ZNF516: variants seen among roughly 807,000 people sequenced by gnomAD.
The protein encoded by ZNF516 is zinc finger protein 516.
In ZNF516, 19 loss-of-function variants were observed where a neutral mutation model predicts 79.7. That is an observed-to-expected ratio of 0.24 (90% CI 0.17 to 0.35). The LOEUF is 0.35. Ranked by LOEUF, ZNF516 falls within the 10% of genes least tolerant of loss-of-function variation. The probability of loss-of-function intolerance (pLI) is 1.00; values close to 1 mark genes in which losing one functional copy is unlikely to be tolerated. For synonymous variants in ZNF516, 877 were observed against 739.5 expected (o/e 1.19, Z -3.02); for missense variants, 1,678 against 1,679.5 (o/e 1.00, Z 0.02).
intron 3 of ZNF516, among the ~76,000 whole-genome samples, chr18:76,404,906 G>A (rs1298213565): frequency 2.0e-5 from 3 of 152,168 alleles, no homozygotes. Flanking sequence ...GAGCGTGTGT[G>A]TGTGGGGCCG....
chr18:76,480,201 T>C (rs149258049), intron 1 of ZNF516, among the ~76,000 whole-genome samples: 7,401 of 149,596 alleles, frequency 0.049, 256 homozygotes, highest in Middle Eastern at 0.096. Flanking sequence ...AAAAACTTAG[T>C]AGTAATTCTT....
Position 76,392,599 on chromosome 18 carries a change from G to C in ZNF516, c.1811-12296C>G, listed in dbSNP as rs570434557. On this transcript the variant is annotated intron_variant, in intron 3 of 6. Transcript: ENST00000443185. ...ATGGGAAGGCAGGTGGCCGGGTGGGGGAAGGGCAGGTGGGAAGACAAGTGG... is the reference window on the plus strand; with the variant it reads ...ATGGGAAGGCAGGTGGCCGGGTGGGCGAAGGGCAGGTGGGAAGACAAGTGG... Among the ~76,000 whole-genome samples the C allele has an allele frequency of 1.9e-4, 27 of 143,162 alleles. 1 individual carries two copies. In the South Asian group the frequency reaches 6.3e-3, roughly 33 times the overall value. The allele number at this position is 143,162 out of a possible 152,430, so 93.9% of individuals were successfully genotyped here.
intron 3 of ZNF516, among the ~76,000 whole-genome samples, chr18:76,398,926 A>T (rs1169629046): frequency 6.6e-6 from 1 of 152,196 alleles, no homozygotes; most frequent in Non-Finnish European, 1.5e-5. Context: ...AAAAAAAATC[A>T]GGATCACTTA....
chr18:76,408,948 G>A (rs944940915), intron 3 of ZNF516, among the ~76,000 whole-genome samples: 3 of 152,250 alleles, frequency 2.0e-5, no homozygotes, highest in South Asian at 2.1e-4. Flanking sequence ...CCCCCACTCA[G>A]AAGCCAAGCC....
chr18:76,404,322 A>T (rs1299452774), intron 3 of ZNF516, among the ~76,000 whole-genome samples: 1 of 141,428 alleles, frequency 7.1e-6, no homozygotes, highest in Non-Finnish European at 1.6e-5. Context: ...CACTTCGTGC[A>T]TGTGGACCGT....
chr18:76,455,723 G>A (rs543386219), intron 2 of ZNF516, among the ~76,000 whole-genome samples: 14 of 152,320 alleles, frequency 9.2e-5, no homozygotes, highest in Admixed American at 2.6e-4. Context: ...CAACAGGCAC[G>A]TGAGATGCGC....
rs144669997 is a variant in ZNF516 at position 76,376,430 on chromosome 18, T to C, written c.3259+2425A>G. ...CCTAAATTTGCTGACTCACACTATG[T>C]CTCAATGTGTACATTAGAAGAATAA... On this transcript the variant is annotated intron_variant, in intron 4 of 6. Transcript: ENST00000443185. 3.5e-3 allele frequency among the ~76,000 whole-genome samples: 534 copies of C among 152,198 alleles called. 6 individuals carry two copies. The highest frequency in any genetic ancestry group is 0.011 in the African/African-American group (470 of 41,506).
Position 76,380,291 on chromosome 18 carries a change from C to A in ZNF516, c.1823G>T (p.Arg608Leu), listed in dbSNP as rs373968169. The change falls in exon 4 of 7, where the codon CGC becomes CTC. Residue 608 changes from arginine (R) to leucine (L), a missense_variant. Transcript: ENST00000443185. Reference protein sequence around the residue: ...APEPAPGGQPRRCCFSEEVTS... With the variant: ...APEPAPGGQPLRCCFSEEVTS... ...CACCTCTTCGGAAAAGCAGCAGCGG[C>A]GCGGCTGTCCCCCTAGAGGAGGCAA... 6 of 1,613,230 alleles carry A rather than the reference C, an allele frequency of 3.7e-6. No individual in the cohort carries two copies. Among genetic ancestry groups the A allele is most frequent in the Non-Finnish European group, 5.1e-6 (6 of 1,179,572 alleles).
intron 1 of ZNF516, among the ~76,000 whole-genome samples, chr18:76,464,195 A>T (rs560701945): frequency 1.8e-4 from 28 of 152,238 alleles, no homozygotes; most frequent in African/African-American, 5.5e-4. Flanking sequence ...TACTTTAAAA[A>T]TTTTTAATGT....
Position 76,360,818 on chromosome 18 carries a change from TAATATA to T in ZNF516, c.*1674_*1679del, listed in dbSNP as rs1245452717. 3.1e-4 allele frequency: 45 copies of T among 143,048 alleles called. 1 individual carries two copies. Among genetic ancestry groups the T allele is most frequent in the African/African-American group, 1.2e-3 (45 of 36,648 alleles). 8.9% of individuals were successfully genotyped at this position (143,048 alleles called of 1,614,324 possible). Reference sequence around the variant, plus strand: ...ACAATAATAATAATAATAATAATAATAATATAATAATATTCAACAAATCATTAGAAC... The same window carrying T: ...ACAATAATAATAATAATAATAATAATATAATATTCAACAAATCATTAGAAC... On this transcript the variant is annotated 3_prime_UTR_variant, in exon 7 of 7. Coordinates refer to ENST00000443185, the MANE Select transcript of ZNF516 (RefSeq NM_014643.4).
At chr18:76,421,652 G>C (rs549367458) in intron 3 of ZNF516, among the ~76,000 whole-genome samples, 199 of 152,222 alleles carry the variant, frequency 1.3e-3, no homozygotes, top group Non-Finnish European at 2.4e-3. Context: ...GCCACAGGGA[G>C]CAGGTCCTAT....
chr18:76,420,414 G>T (rs1204573530), intron 3 of ZNF516, among the ~76,000 whole-genome samples: 2 of 152,128 alleles, frequency 1.3e-5, no homozygotes, highest in African/African-American at 2.4e-5. Flanking sequence ...ACCATACACT[G>T]AATTCCAGGG....
Position 76,378,938 on chromosome 18 carries a change from T to C in ZNF516, c.3176A>G (p.Asn1059Ser), listed in dbSNP as rs756820185. 3.1e-6 allele frequency: 5 copies of C among 1,613,852 alleles called. No individual in the cohort carries two copies. The South Asian group carries it at 3.3e-5, about 11-fold the overall frequency. ...EGHEKRLDIL[N>S]IFKTYIPKDF... ...CTTTGGAATGTACGTCTTAAAGATG[T>C]TGAGGATGTCCAGGCGCTTCTCATG... The change falls in exon 4 of 7, where the codon AAC becomes AGC. Residue 1059 changes from asparagine (N) to serine (S), a missense_variant. Physicochemically the swap from Asn to Ser is conservative, Grantham distance 46. Transcript: ENST00000443185.
Position 76,378,843 on chromosome 18 carries a change from C to A in ZNF516, c.3259+12G>T. 1 of 1,606,854 alleles carries A rather than the reference C, an allele frequency of 6.2e-7. No individual in the cohort carries two copies. The highest frequency in any genetic ancestry group is 8.5e-7 in the Non-Finnish European group (1 of 1,175,490). On this transcript the variant is annotated intron_variant, in intron 4 of 6. Transcript: ENST00000443185. ...CATGTGGCCTGGGGAAGAGAGGGCC[C>A]GCACATCTTACCTCTGTGCTCCAAC...
At chr18:76,406,347 C>T (rs1157287121) in intron 3 of ZNF516, among the ~76,000 whole-genome samples, 1 of 152,110 alleles carries the variant, frequency 6.6e-6, no homozygotes, top group Non-Finnish European at 1.5e-5. Flanking sequence ...AGGAGGATCA[C>T]GAGATCAGGA....
intron 1 of ZNF516, among the ~76,000 whole-genome samples, chr18:76,485,678 A>G (rs1914788923): frequency 6.6e-6 from 1 of 152,176 alleles, no homozygotes; most frequent in Non-Finnish European, 1.5e-5. Context: ...AAATTCCTGC[A>G]ACATGGCATA....
chr18:76,435,369 T>C (rs968572846), intron 3 of ZNF516, among the ~76,000 whole-genome samples: 7 of 152,348 alleles, frequency 4.6e-5, no homozygotes, highest in Non-Finnish European at 7.3e-5. Flanking sequence ...ATGCCATGCA[T>C]AGATTATCAA....
At chr18:76,408,020 T>C (rs749405408) in intron 3 of ZNF516, among the ~76,000 whole-genome samples, 10 of 152,198 alleles carry the variant, frequency 6.6e-5, no homozygotes, top group Non-Finnish European at 1.3e-4. Context: ...TCCTCTGTAG[T>C]TTTGGCACGC....
chr18:76,433,744 G>A (rs2075693403), intron 3 of ZNF516, among the ~76,000 whole-genome samples: 1 of 152,228 alleles, frequency 6.6e-6, no homozygotes, highest in Non-Finnish European at 1.5e-5. Context: ...AACGCCTAGT[G>A]AAGAATCGAG....
Sources: allele counts gnomAD v4.1 joint callset (sites outside exome capture counted in the v4.1 genomes callset), GRCh38; gene constraint gnomAD v4.1.1; transcripts MANE v1.5; gene names NCBI Gene and HGNC (gene_info 2026-07-23, HGNC 2026-07-21).